Variants in PCDHA13 observed in about 807,000 individuals in gnomAD.
PCDHA13 encodes the protein protocadherin alpha-13.
PCDHA13 carries 54 observed loss-of-function variants against 64.8 expected under a neutral mutation model. The observed-to-expected ratio is 0.83, with a 90% CI of 0.67 to 1.04. PCDHA13 has a LOEUF of 1.04. PCDHA13 is among the 50% of genes least tolerant of loss of function. The pLI, the probability that PCDHA13 is intolerant of heterozygous loss-of-function variation, is 0.00. For synonymous variants in PCDHA13, 587 were observed against 564.4 expected (o/e 1.04, Z -0.57); for missense variants, 1,248 against 1,254.3 (o/e 0.99, Z 0.08).
At chr5:140,896,551 A>G (rs1474890462) in intron 1 of PCDHA13, among the ~76,000 whole-genome samples, 1 of 139,892 alleles carries the variant, frequency 7.1e-6, no homozygotes, top group African/African-American at 2.6e-5. Context: ...TTTTTTTTGT[A>G]TTTTAAGTAG....
chr5:140,950,100 A>G (rs964595718), intron 1 of PCDHA13, among the ~76,000 whole-genome samples: 1 of 151,910 alleles, frequency 6.6e-6, no homozygotes, highest in Non-Finnish European at 1.5e-5. Flanking sequence ...CATTTGTATT[A>G]AATCTCATAC....
chr5:140,965,496 ATTT>A (rs71766133), intron 1 of PCDHA13, among the ~76,000 whole-genome samples: 1 of 146,428 alleles, frequency 6.8e-6, no homozygotes. Flanking sequence ...ATGACAGCAG[ATTT>A]TTTTTTTTTT....
rs376607115 is a variant in PCDHA13 at position 141,006,474 on chromosome 5, A to G, written c.2543-3153A>G. Among the ~76,000 whole-genome samples, 193 of 152,188 alleles carry G rather than the reference A, an allele frequency of 1.3e-3. 1 individual carries two copies. The highest frequency in any genetic ancestry group is 4.5e-3 in the African/African-American group (185 of 41,520). ...GAGATCTGCCTGTCTCGGCCTCCCA[A>G]AGTGCTGGGATTACATGTGTGAGCC... On this transcript the variant is annotated intron_variant, in intron 3 of 3. Transcript: ENST00000289272.
Position 140,935,377 on chromosome 5 carries a change from C to T in PCDHA13, c.2395-43572C>T, listed in dbSNP as rs139207351. On this transcript the variant is annotated intron_variant, in intron 1 of 3. Coordinates refer to ENST00000289272, the MANE Select transcript of PCDHA13 (RefSeq NM_018904.3). ...GTTTTCATTAACGTCAACAGAATTA[C>T]TCATTTGTTATCCCACGGGACTCAA... is the stretch of plus-strand genomic sequence containing the variant. Among the ~76,000 whole-genome samples the T allele has an allele frequency of 1.3e-4, 20 of 152,332 alleles. No individual in the cohort carries two copies. In the East Asian group the frequency reaches 3.1e-3, roughly 23 times the overall value.
Position 141,010,230 on chromosome 5 carries a change from C to T in PCDHA13, c.*293C>T. The T allele has an allele frequency of 1.3e-6, 2 of 1,551,936 alleles. No homozygotes were observed. Among genetic ancestry groups the T allele is most frequent in the African/African-American group, 1.4e-5 (1 of 73,162 alleles). Reference sequence around the variant, plus strand: ...GCAAAGGAGAGGCTTCCCAGCCCCGCCAGTGAGAGGTTGGACTCTCTGCCC... The same window carrying T: ...GCAAAGGAGAGGCTTCCCAGCCCCGTCAGTGAGAGGTTGGACTCTCTGCCC... On this transcript the variant is annotated 3_prime_UTR_variant, in exon 4 of 4. Transcript: ENST00000289272.
At position 140,957,153 on chromosome 5, in the gene PCDHA13, A is replaced by G. The variant is rs988889035; in HGVS notation, c.2395-21796A>G. Among the ~76,000 whole-genome samples, 121 of 152,268 alleles carry G rather than the reference A, an allele frequency of 7.9e-4. 1 individual carries two copies. Among genetic ancestry groups the G allele is most frequent in the East Asian group, 3.9e-4 (2 of 5,186 alleles). On this transcript the variant is annotated intron_variant, in intron 1 of 3. Transcript: ENST00000289272. Reference sequence around the variant, plus strand: ...ACACTATGAACTAAAAATTTTGGAGACAAATCTAAGTATATAAATTGGTTT... The same window carrying G: ...ACACTATGAACTAAAAATTTTGGAGGCAAATCTAAGTATATAAATTGGTTT...
chr5:140,954,845 C>G (rs1479368081), intron 1 of PCDHA13, among the ~76,000 whole-genome samples: 2 of 152,140 alleles, frequency 1.3e-5, no homozygotes, highest in African/African-American at 2.4e-5. Flanking sequence ...AAATCTTTGC[C>G]TGTGCCTATG....
intron 1 of PCDHA13, among the ~76,000 whole-genome samples, chr5:140,923,834 T>G (rs2081542074): frequency 6.6e-6 from 1 of 152,210 alleles, no homozygotes; most frequent in South Asian, 2.1e-4. Flanking sequence ...AGTGGCAGTT[T>G]AAATAGAGAA....
chr5:141,001,867 A>C (rs2153971805), intron 3 of PCDHA13, among the ~76,000 whole-genome samples: 1 of 152,348 alleles, frequency 6.6e-6, no homozygotes, highest in Admixed American at 6.5e-5. Context: ...ATTGATGCCC[A>C]AAACCAAGAA....
At position 140,884,453 on chromosome 5, in the gene PCDHA13, G is replaced by A. The variant is rs2060182161; in HGVS notation, c.2185G>A (p.Glu729Lys). 4 of 1,613,658 alleles carry A rather than the reference G, an allele frequency of 2.5e-6. No homozygotes were observed. Among genetic ancestry groups the A allele is most frequent in the Admixed American group, 1.7e-5 (1 of 59,990 alleles). Residue 729 changes from glutamate (E) to lysine (K), a missense_variant, in exon 1 of 4, where the codon GAG becomes AAG. By Grantham distance (56) the Glu-to-Lys change is moderately conservative (BLOSUM62 1). Coordinates refer to ENST00000289272, the MANE Select transcript of PCDHA13 (RefSeq NM_018904.3). ...TALRCSAPPT[E>K]GACAPGKPTL... The stretch of plus-strand genomic sequence containing the variant: ...GCTGCGGTGCTCGGCACCGCCCACC[G>A]AGGGCGCGTGCGCGCCGGGCAAGCC...
intron 1 of PCDHA13, among the ~76,000 whole-genome samples, chr5:140,941,194 TCTTTCTTCCTTTCTTTCTTCCTTTC>T (rs1257521577): frequency 8.9e-6 from 1 of 112,354 alleles, no homozygotes; most frequent in Admixed American, 9.1e-5. Context: ...TCTTTTTTTT[TCTTTCTTCCTTTCTTTCTTCCTTTC>T]TTTCTTTCTT....
At chr5:140,962,854 G>A (rs1396651838) in intron 1 of PCDHA13, among the ~76,000 whole-genome samples, 7 of 152,054 alleles carry the variant, frequency 4.6e-5, no homozygotes, top group African/African-American at 9.7e-5. Flanking sequence ...ACTTGTGCTC[G>A]GTTTGTAGAG....
intron 1 of PCDHA13, among the ~76,000 whole-genome samples, chr5:140,948,744 C>A (rs868917864): frequency 3.3e-5 from 5 of 151,312 alleles, no homozygotes; most frequent in South Asian, 2.1e-4. Flanking sequence ...GAGAATTTAT[C>A]AATTTTGCTG....
intron 1 of PCDHA13, among the ~76,000 whole-genome samples, chr5:140,932,330 G>A (rs1339060592): frequency 6.6e-6 from 1 of 151,860 alleles, no homozygotes; most frequent in African/African-American, 2.4e-5. Context: ...TAGCAAAAAT[G>A]CATGAAACAC....
intron 1 of PCDHA13, among the ~76,000 whole-genome samples, chr5:140,903,731 T>C (rs1554191096): frequency 6.6e-6 from 1 of 152,238 alleles, no homozygotes; most frequent in South Asian, 2.1e-4. Context: ...CTATTATCAA[T>C]TATTACAGAA....
chr5:140,967,121 C>T, intron 1 of PCDHA13: 1 of 1,612,916 alleles, frequency 6.2e-7, no homozygotes, highest in East Asian at 2.2e-5. Flanking sequence ...TCGCTGCCTG[C>T]TCAGCTTGGA....
chr5:140,896,260 G>A (rs1304707341), intron 1 of PCDHA13, among the ~76,000 whole-genome samples: 1 of 152,230 alleles, frequency 6.6e-6, no homozygotes, highest in African/African-American at 2.4e-5. Context: ...TATGTACACA[G>A]TTATGGGATT....
At position 140,883,470 on chromosome 5, in the gene PCDHA13, A is replaced by T; in HGVS notation, c.1202A>T (p.Tyr401Phe). ...GTCCCCTTCAAGCTGGTGTCCACCTACAAGAACTACTACTCATTAGTGCTG... is the reference window on the plus strand; with the variant it reads ...GTCCCCTTCAAGCTGGTGTCCACCTTCAAGAACTACTACTCATTAGTGCTG... ...PHVPFKLVST[Y>F]KNYYSLVLDS... Residue 401 changes from tyrosine (Y) to phenylalanine (F), a missense_variant, in exon 1 of 4, where the codon TAC (tyrosine) becomes TTC (phenylalanine). Tyr to Phe is a conservative substitution (Grantham distance 22). Coordinates refer to ENST00000289272, the MANE Select transcript of PCDHA13 (RefSeq NM_018904.3). 3 of 1,614,126 alleles carry T rather than the reference A, an allele frequency of 1.9e-6. No homozygotes were observed. Among genetic ancestry groups the T allele is most frequent in the Non-Finnish European group, 1.7e-6 (2 of 1,180,032 alleles).
chr5:140,927,008 TCTCCGCGGACTTGAGGCTGCCAG>T (rs782232084), intron 1 of PCDHA13: 1 of 1,612,514 alleles, frequency 6.2e-7, no homozygotes, highest in South Asian at 1.1e-5. Flanking sequence ...GTAGGCAATC[TCTCCGCGGACTTGAGGCTGCCAG>T]CGGCCGCTAT....
Sources: allele counts gnomAD v4.1 joint callset (sites outside exome capture counted in the v4.1 genomes callset), GRCh38; gene constraint gnomAD v4.1.1; transcripts MANE v1.5; gene names NCBI Gene and HGNC (gene_info 2026-07-23, HGNC 2026-07-21).